The following OCA2 variants were observed in gnomAD, a reference collection of about 807,000 sequenced individuals.
OCA2 encodes P protein.
Under a neutral mutation model 100.2 loss-of-function variants are expected in OCA2, and 77 were observed. The ratio of observed to expected loss-of-function variants is 0.77; its 90% confidence interval spans 0.64 to 0.93. The LOEUF is 0.93. Among genes scored for constraint, OCA2 ranks in the 40% least tolerant of loss-of-function variants. The probability of loss-of-function intolerance (pLI) is 0.00; values close to 1 mark genes in which losing one functional copy is unlikely to be tolerated. For missense variants in OCA2, 1,062 were observed against 1,089.1 expected (o/e 0.98, Z 0.35); for synonymous variants, 432 against 439.2 (o/e 0.98, Z 0.21).
intron 19 of OCA2, among the ~76,000 whole-genome samples, chr15:27,900,987 C>T (rs1458184347): frequency 2.0e-5 from 3 of 152,202 alleles, no homozygotes; most frequent in Admixed American, 6.5e-5. Context: ...ACTTCAGAAT[C>T]AGCTCTGGAA....
intron 19 of OCA2, among the ~76,000 whole-genome samples, chr15:27,906,705 G>A (rs576644342): frequency 6.6e-6 from 1 of 151,558 alleles, no homozygotes. Context: ...TAAACAAAAC[G>A]ACAATGGAGC....
chr15:27,785,258 A>T (rs1191395692), intron 23 of OCA2, among the ~76,000 whole-genome samples: 2 of 152,234 alleles, frequency 1.3e-5, no homozygotes, highest in South Asian at 4.1e-4. Flanking sequence ...AGACGCAGAA[A>T]TTCCATTCCT....
the OCA2 span, among the ~76,000 whole-genome samples, chr15:27,746,018 A>G: frequency 1.5e-3 from 235 of 152,344 alleles, 1 homozygote; most frequent in African/African-American, 5.4e-3. Context: ...CCTAAAATGT[A>G]TAAAACCAAG....
chr15:27,846,765 A>G (rs529862448), intron 22 of OCA2, among the ~76,000 whole-genome samples: 9 of 152,180 alleles, frequency 5.9e-5, no homozygotes, highest in Admixed American at 5.2e-4. Context: ...ACTCAGGGAA[A>G]GGAATGGGGA....
At chr15:27,775,063 CGTGTGTGTGTGTGTGTGTGT>C (rs66465683) in intron 23 of OCA2, among the ~76,000 whole-genome samples, 1 of 142,938 alleles carries the variant, frequency 7.0e-6, no homozygotes, top group Non-Finnish European at 1.5e-5. Flanking sequence ...TTTTAGAACT[CGTGTGTGTGTGTGTGTGTGT>C]GTGTGTGTGT....
chr15:27,941,489 T>C (rs1302674389), intron 18 of OCA2, among the ~76,000 whole-genome samples: 1 of 152,206 alleles, frequency 6.6e-6, no homozygotes, highest in Non-Finnish European at 1.5e-5. Context: ...AGTCATTAAA[T>C]GGATTTGCTC....
intron 18 of OCA2, among the ~76,000 whole-genome samples, chr15:27,929,860 A>G (rs1291960038): frequency 8.7e-6 from 1 of 115,236 alleles, no homozygotes; most frequent in African/African-American, 3.0e-5. Context: ...AGAAGACATA[A>G]GATTGACAAA....
intron 20 of OCA2, among the ~76,000 whole-genome samples, chr15:27,871,476 C>T (rs2036571207): frequency 6.6e-6 from 1 of 152,210 alleles, no homozygotes; most frequent in Non-Finnish European, 1.5e-5. Context: ...GACCTGCCAG[C>T]CCCCTGGATG....
chr15:27,963,825 T>C (rs2040480910), intron 15 of OCA2, among the ~76,000 whole-genome samples: 1 of 152,082 alleles, frequency 6.6e-6, no homozygotes. Context: ...CAAAAGCTGG[T>C]TCTTTGAGAT....
At chr15:28,058,141 C>T (rs2043761624) in intron 2 of OCA2, among the ~76,000 whole-genome samples, 1 of 152,190 alleles carries the variant, frequency 6.6e-6, no homozygotes, top group African/African-American at 2.4e-5. Context: ...AGGGTCCCCC[C>T]CAATAATGAA....
intron 18 of OCA2, among the ~76,000 whole-genome samples, chr15:27,926,961 C>CA (rs2039065157): frequency 6.6e-6 from 1 of 152,032 alleles, no homozygotes; most frequent in South Asian, 2.1e-4. Context: ...ATCATCCAGA[C>CA]AAAAAAATTA....
intron 23 of OCA2, among the ~76,000 whole-genome samples, chr15:27,831,284 CAAAAAAAAA>C (rs71132824): frequency 6.4e-5 from 4 of 62,618 alleles, no homozygotes; most frequent in Admixed American, 5.0e-4. Context: ...GACTCCGTCT[CAAAAAAAAA>C]AAAAAAAAAA....
At position 27,985,137 on chromosome 15, in the gene OCA2, G is replaced by A; in HGVS notation, c.1291C>T (p.Leu431Phe). ...AAGGCAGAGAGGACGGCCGCGATGA[G>A]ACAGAGCATGATGATCATGGCCCAC... ...RVWAMIIMLC[L>F]IAAVLSAFLD... Residue 431 changes from leucine to phenylalanine, a missense_variant, in exon 13 of 24, where the codon CTC becomes TTC. Physicochemically the swap from Leu to Phe is conservative, Grantham distance 22. Coordinates refer to ENST00000354638, the MANE Select transcript of OCA2 (RefSeq NM_000275.3). The A allele has an allele frequency of 6.2e-7, 1 of 1,614,006 alleles. No homozygotes were observed. The highest frequency in any genetic ancestry group is 1.1e-5 in the South Asian group (1 of 91,082).
At position 27,983,293 on chromosome 15, in the gene OCA2, C is replaced by A. The variant is rs1460427653; in HGVS notation, c.1503+52G>T. ...GCGTCCATGTGGGGTAGAGCTCTAA[C>A]TAAGTGGAGGTGTGCGTTTACTGGA... On this transcript the variant is annotated intron_variant, in intron 14 of 23. Coordinates refer to ENST00000354638, the MANE Select transcript of OCA2 (RefSeq NM_000275.3). 3.7e-6 allele frequency: 6 copies of A among 1,611,090 alleles called. No individual in the cohort carries two copies. The African/African-American group carries it at 8.0e-5, about 22-fold the overall frequency.
intron 23 of OCA2, among the ~76,000 whole-genome samples, chr15:27,799,127 C>T (rs2033476048): frequency 6.6e-6 from 1 of 151,584 alleles, no homozygotes; most frequent in Non-Finnish European, 1.5e-5. Context: ...TCTTTGCAAT[C>T]GTCAGGCAAA....
chr15:27,926,356 C>T, intron 18 of OCA2, 102 bp from the exon 19 acceptor site: 2 of 1,278,480 alleles, frequency 1.6e-6, no homozygotes, highest in Non-Finnish European at 2.3e-6. Context: ...GAATAATTGT[C>T]ATACTACAAA....
intron 18 of OCA2, among the ~76,000 whole-genome samples, chr15:27,938,812 C>T (rs554535221): frequency 2.1e-4 from 32 of 152,264 alleles, no homozygotes; most frequent in Middle Eastern, 3.4e-3. Context: ...ACAGCTGCAT[C>T]GATGCACATG....
intron 19 of OCA2, among the ~76,000 whole-genome samples, chr15:27,924,040 T>C (rs1042327250): frequency 2.6e-5 from 4 of 152,192 alleles, no homozygotes; most frequent in Admixed American, 1.3e-4. Flanking sequence ...TTGTATATGG[T>C]ATAAGGAAGG....
intron 2 of OCA2, among the ~76,000 whole-genome samples, chr15:28,065,199 T>C (rs1055546669): frequency 4.6e-5 from 7 of 152,242 alleles, no homozygotes; most frequent in African/African-American, 1.7e-4. Flanking sequence ...AAGATTAAGC[T>C]TGAGGTGAAA....
Sources: gnomAD v4.1 joint callset for allele counts (sites outside exome capture counted in the v4.1 genomes callset) on GRCh38, gnomAD v4.1.1 for gene constraint, MANE v1.5 for transcripts, NCBI Gene and HGNC (gene_info 2026-07-23, HGNC 2026-07-21) for gene names.